Variants in ANO3 observed in about 807,000 individuals in gnomAD.
ANO3 encodes the protein anoctamin 3.
ANO3 carries 99 observed loss-of-function variants against 144.8 expected under a neutral mutation model. That is an observed-to-expected ratio of 0.68 (90% confidence interval 0.58 to 0.81). The LOEUF (loss-of-function observed/expected upper bound fraction) is 0.81. Among genes scored for constraint, ANO3 ranks in the 30% least tolerant of loss-of-function variants. The pLI, the probability that ANO3 is intolerant of heterozygous loss-of-function variation, is 0.00. For missense variants in ANO3, 905 were observed against 1,202.2 expected (o/e 0.75, Z 3.66); for synonymous variants, 414 against 392.6 (o/e 1.05, Z -0.64).
At chr11:26,214,934 A>C (rs1852006945) in intron 1 of ANO3, among the ~76,000 whole-genome samples, 1 of 151,898 alleles carries the variant, frequency 6.6e-6, no homozygotes, top group African/African-American at 2.4e-5. Flanking sequence ...ATTTTGTAGA[A>C]TGTCTCTCAA....
chr11:26,222,583 C>T (rs916027851), intron 1 of ANO3, among the ~76,000 whole-genome samples: 5 of 152,230 alleles, frequency 3.3e-5, no homozygotes, highest in African/African-American at 1.2e-4. Flanking sequence ...CTGGGGACTC[C>T]ACCCCTGCAG....
chr11:26,262,238 C>T (rs995574990), intron 1 of ANO3, among the ~76,000 whole-genome samples: 6 of 152,142 alleles, frequency 3.9e-5, no homozygotes, highest in Non-Finnish European at 5.9e-5. Context: ...TCTATTTTCT[C>T]GTACTTCTAT....
intron 1 of ANO3, among the ~76,000 whole-genome samples, chr11:26,281,296 G>A (rs1041047312): frequency 8.5e-5 from 13 of 152,068 alleles, no homozygotes; most frequent in African/African-American, 3.1e-4. Flanking sequence ...AGAAATGAAT[G>A]ACTGAATGAA....
At chr11:26,369,279 C>T (rs1337101849) in intron 1 of ANO3, among the ~76,000 whole-genome samples, 1 of 152,082 alleles carries the variant, frequency 6.6e-6, no homozygotes, top group African/African-American at 2.4e-5. Context: ...CATTTAGGAA[C>T]TCTTTCAAAA....
chr11:26,469,408 AT>A (rs879867572), intron 4 of ANO3, among the ~76,000 whole-genome samples: 2 of 151,966 alleles, frequency 1.3e-5, no homozygotes, highest in Non-Finnish European at 2.9e-5. Context: ...AATATTAATC[AT>A]TTAAAAACAT....
At chr11:26,624,797 C>T (rs911900723) in intron 18 of ANO3, among the ~76,000 whole-genome samples, 1 of 152,116 alleles carries the variant, frequency 6.6e-6, no homozygotes, top group Non-Finnish European at 1.5e-5. Context: ...TATTTTTTAT[C>T]AAAGTGTTAT....
intron 1 of ANO3, among the ~76,000 whole-genome samples, chr11:26,215,563 A>C: frequency 6.6e-6 from 1 of 151,764 alleles, no homozygotes; most frequent in African/African-American, 2.4e-5. Context: ...TTTTCTAAAA[A>C]CTCTGGTTCC....
intron 26 of ANO3, 61 bp from the exon 27 acceptor site, chr11:26,660,201 T>G (rs1295022706): frequency 6.9e-7 from 1 of 1,456,246 alleles, no homozygotes; most frequent in African/African-American, 1.4e-5. Flanking sequence ...ATTGTTGTAC[T>G]GTTTTATAAT....
intron 1 of ANO3, among the ~76,000 whole-genome samples, chr11:26,195,341 G>A (rs1001182585): frequency 6.6e-6 from 1 of 152,168 alleles, no homozygotes; most frequent in Non-Finnish European, 1.5e-5. Flanking sequence ...CTTTACTTCA[G>A]TGGAAATTGG....
At chr11:26,645,110 CTTG>C (rs1565163276) in intron 23 of ANO3, among the ~76,000 whole-genome samples, 1 of 151,668 alleles carries the variant, frequency 6.6e-6, no homozygotes, top group Non-Finnish European at 1.5e-5. Flanking sequence ...TGTGTATTTG[CTTG>C]TTGTTTGCTG....
At chr11:26,380,667 G>A (rs1004039473) in intron 1 of ANO3, among the ~76,000 whole-genome samples, 1 of 152,088 alleles carries the variant, frequency 6.6e-6, no homozygotes, top group African/African-American at 2.4e-5. Flanking sequence ...AATTTTCAGA[G>A]AGACACAAGC....
chr11:26,225,561 G>T (rs993164087), intron 1 of ANO3, among the ~76,000 whole-genome samples: 10 of 151,950 alleles, frequency 6.6e-5, no homozygotes, highest in Non-Finnish European at 1.5e-4. Context: ...AGAATAGAAA[G>T]ATAATTTATT....
chr11:26,563,083 G>C, intron 14 of ANO3: 1 of 1,605,534 alleles, frequency 6.2e-7, no homozygotes. Context: ...TAAAACCACT[G>C]TGCCCAGGTG....
intron 1 of ANO3, among the ~76,000 whole-genome samples, chr11:26,246,321 G>A (rs1019172199): frequency 6.6e-6 from 1 of 151,902 alleles, no homozygotes; most frequent in Non-Finnish European, 1.5e-5. Flanking sequence ...TTCCAAACCA[G>A]GAGTGGTAGT....
intron 1 of ANO3, among the ~76,000 whole-genome samples, chr11:26,315,009 C>G (rs924451494): frequency 7.3e-5 from 11 of 151,564 alleles, no homozygotes; most frequent in African/African-American, 2.7e-4. Context: ...GGTTTAATCC[C>G]AATAGTTTTA....
intron 1 of ANO3, among the ~76,000 whole-genome samples, chr11:26,264,235 G>A (rs1377394820): frequency 6.6e-6 from 1 of 152,118 alleles, no homozygotes; most frequent in Non-Finnish European, 1.5e-5. Flanking sequence ...AATGTAACCA[G>A]GAAATCAATC....
At chr11:26,530,483 A>G (rs897995114) in intron 7 of ANO3, among the ~76,000 whole-genome samples, 1 of 57,620 alleles carries the variant, frequency 1.7e-5, no homozygotes, top group Admixed American at 2.5e-4. Flanking sequence ...CTATCTATCT[A>G]TCTATCTATC....
intron 1 of ANO3, among the ~76,000 whole-genome samples, chr11:26,289,084 A>G (rs1853874796): frequency 6.6e-6 from 1 of 152,156 alleles, no homozygotes; most frequent in Non-Finnish European, 1.5e-5. Context: ...GAGGTAAACC[A>G]TACATATCAG....
At chr11:26,416,939 T>G (rs7113405) in intron 1 of ANO3, among the ~76,000 whole-genome samples, 51,834 of 151,882 alleles carry the variant, frequency 0.34, 10,631 homozygotes, top group African/African-American at 0.58. Context: ...TAAACTATCC[T>G]CTAATAGTTT....
Sources: gnomAD v4.1 joint callset for allele counts (sites outside exome capture counted in the v4.1 genomes callset) on GRCh38, gnomAD v4.1.1 for gene constraint, MANE v1.5 for transcripts, NCBI Gene and HGNC (gene_info 2026-07-23, HGNC 2026-07-21) for gene names.